The following HSD17B2 variants were observed in gnomAD, a reference collection of about 807,000 sequenced individuals.
HSD17B2 encodes 17-beta-hydroxysteroid dehydrogenase type 2.
HSD17B2 carries 32 observed loss-of-function variants against 26.9 expected under a neutral mutation model. That is an observed-to-expected ratio of 1.19 (90% CI 0.90 to 1.60). HSD17B2 has a LOEUF of 1.60. Among genes scored for constraint, HSD17B2 ranks in the 40% most tolerant of loss-of-function variants. The pLI, the probability that HSD17B2 is intolerant of heterozygous loss-of-function variation, is 0.00. For missense variants in HSD17B2, 613 were observed against 468.6 expected (o/e 1.31, Z -2.85); for synonymous variants, 246 against 186.7 (o/e 1.32, Z -2.59).
chr16:82,073,271 C>T (rs1387354420), intron 3 of HSD17B2, among the ~76,000 whole-genome samples: 1 of 151,808 alleles, frequency 6.6e-6, no homozygotes, highest in African/African-American at 2.4e-5. Flanking sequence ...GTCGCCCAGG[C>T]TGGAGTGCAG....
At chr16:82,059,468 T>C (rs1318519818) in intron 1 of HSD17B2, among the ~76,000 whole-genome samples, 2 of 152,192 alleles carry the variant, frequency 1.3e-5, no homozygotes, top group African/African-American at 4.8e-5. Flanking sequence ...CTGTTGCCAG[T>C]GGATACCGAC....
At chr16:82,075,156 G>A (rs1904294776) in intron 3 of HSD17B2, among the ~76,000 whole-genome samples, 1 of 151,954 alleles carries the variant, frequency 6.6e-6, no homozygotes, top group Non-Finnish European at 1.5e-5. Flanking sequence ...AAATGATAAA[G>A]GAAATCAAAC....
At chr16:82,088,529 T>C (rs563413491) in intron 3 of HSD17B2, among the ~76,000 whole-genome samples, 1 of 152,322 alleles carries the variant, frequency 6.6e-6, no homozygotes, top group South Asian at 2.1e-4. Flanking sequence ...CTAACCTGTT[T>C]GTCTTCTATC....
chr16:82,056,521 G>C (rs1429619674), intron 1 of HSD17B2: 1 of 152,120 alleles, frequency 6.6e-6, no homozygotes, highest in Admixed American at 6.5e-5. Flanking sequence ...CAGGTAAAAC[G>C]GATCTATGCT....
intron 1 of HSD17B2, among the ~76,000 whole-genome samples, chr16:82,040,096 GA>G (rs1759052112): frequency 6.6e-6 from 1 of 152,216 alleles, no homozygotes; most frequent in African/African-American, 2.4e-5. Context: ...ATTTTTAATT[GA>G]AAATTTCAAA....
chr16:82,061,057 A>T (rs1259493599), intron 1 of HSD17B2, among the ~76,000 whole-genome samples: 1 of 152,116 alleles, frequency 6.6e-6, no homozygotes, highest in Non-Finnish European at 1.5e-5. Context: ...TCAGGAGTTC[A>T]AGACCAGCCT....
At chr16:82,069,146 T>C (rs1305866589) in intron 2 of HSD17B2, among the ~76,000 whole-genome samples, 1 of 152,184 alleles carries the variant, frequency 6.6e-6, no homozygotes, top group African/African-American at 2.4e-5. Flanking sequence ...CCCCCACTTA[T>C]AAGTGAGAAC....
chr16:82,094,644 C>T (rs1904787866), intron 4 of HSD17B2: 1 of 152,180 alleles, frequency 6.6e-6, no homozygotes, highest in Non-Finnish European at 1.5e-5. Context: ...TGGAGAATGA[C>T]ACTTCATACT....
intron 3 of HSD17B2, among the ~76,000 whole-genome samples, chr16:82,081,262 G>A (rs951301622): frequency 3.3e-5 from 5 of 149,788 alleles, no homozygotes; most frequent in African/African-American, 7.4e-5. Flanking sequence ...ACTCTCAGAA[G>A]CAAACTGAAG....
In HSD17B2 at chr16:82,091,056, A is replaced by G. The variant is rs1260022289; in HGVS notation, c.802+17A>G. ...TCCTAACAAGTAGGTTTCTGAGCCCAAGAACCTGTGATGTTCATCCTGGAA... is the reference window on the plus strand; with the variant it reads ...TCCTAACAAGTAGGTTTCTGAGCCCGAGAACCTGTGATGTTCATCCTGGAA... On this transcript the variant is annotated intron_variant, in intron 4 of 4. Transcript: ENST00000199936. 11 of 1,613,456 alleles carry G rather than the reference A, an allele frequency of 6.8e-6. No individual in the cohort carries two copies. The highest frequency in any genetic ancestry group is 7.6e-6 in the Non-Finnish European group (9 of 1,179,562).
At position 82,035,323 on chromosome 16, in the gene HSD17B2, C is replaced by T. The variant is rs1913592900; in HGVS notation, c.-102C>T. The T allele has an allele frequency of 1.8e-6, 2 of 1,135,384 alleles. No homozygotes were observed. Among genetic ancestry groups the T allele is most frequent in the Admixed American group, 2.1e-5 (1 of 46,974 alleles). 70.3% of individuals were successfully genotyped at this position (1,135,384 alleles called of 1,614,324 possible). ...GGGCTGGGGCTGCTTTCTCCCCTCC[C>T]TTCTTGACTCTCTGTTCACAGAACT... On this transcript the variant is annotated 5_prime_UTR_variant, in exon 1 of 5. Transcript: ENST00000199936.
intron 1 of HSD17B2, among the ~76,000 whole-genome samples, chr16:82,062,885 T>C (rs577924813): frequency 1.6e-4 from 24 of 152,354 alleles, no homozygotes; most frequent in African/African-American, 5.8e-4. Context: ...ACAGACTTTT[T>C]CAAGGCCCTC....
chr16:82,043,328 A>T (rs1287431327), intron 1 of HSD17B2, among the ~76,000 whole-genome samples: 1 of 152,104 alleles, frequency 6.6e-6, no homozygotes, highest in Non-Finnish European at 1.5e-5. Context: ...GTCACTTGTG[A>T]TATTGGGGGG....
rs553832647 is a variant in HSD17B2 at position 82,072,371 on chromosome 16, A to G, written c.664+1244A>G. 1.8e-4 allele frequency among the ~76,000 whole-genome samples: 28 copies of G among 152,242 alleles called. No individual in the cohort carries two copies. The East Asian group carries it at 5.2e-3, about 28-fold the overall frequency. On this transcript the variant is annotated intron_variant, in intron 3 of 4. Transcript: ENST00000199936. ...GAATCCTGAGAAAACACACAGCAATATTTTCCTAATCTTTGTTCTGAACTT... is the reference window on the plus strand; with the variant it reads ...GAATCCTGAGAAAACACACAGCAATGTTTTCCTAATCTTTGTTCTGAACTT...
chr16:82,040,663 C>T (rs530618155), intron 1 of HSD17B2, among the ~76,000 whole-genome samples: 9 of 152,224 alleles, frequency 5.9e-5, no homozygotes, highest in African/African-American at 2.2e-4. Context: ...CAGAGCTTGG[C>T]AATTGATTGG....
chr16:82,077,325 A>C (rs1279758884), intron 3 of HSD17B2, among the ~76,000 whole-genome samples: 1 of 152,206 alleles, frequency 6.6e-6, no homozygotes, highest in Non-Finnish European at 1.5e-5. Context: ...AGACATATAG[A>C]CCAACAGAAC....
Position 82,070,952 on chromosome 16 carries a change from T to A in HSD17B2, c.489T>A (p.Ala163=). 1.2e-6 allele frequency: 2 copies of A among 1,613,482 alleles called. No homozygotes were observed. Among genetic ancestry groups the A allele is most frequent in the Non-Finnish European group, 1.7e-6 (2 of 1,179,464 alleles). ...AAMLQDRGLW[A]VINNAGVLGF... ...GTTTTCTGTCTCCAGGACTGTGGGCTGTGATCAACAATGCTGGGGTGCTTG... is the reference window on the plus strand; with the variant it reads ...GTTTTCTGTCTCCAGGACTGTGGGCAGTGATCAACAATGCTGGGGTGCTTG... The change falls in exon 3 of 5, where the codon GCT becomes GCA. Residue 163 remains alanine (A), a synonymous_variant. Transcript: ENST00000199936.
intron 4 of HSD17B2, 93 bp downstream of exon 4, chr16:82,091,132 T>C (rs781034764): frequency 8.0e-7 from 1 of 1,251,588 alleles, no homozygotes; most frequent in East Asian, 2.3e-5. Flanking sequence ...GAACCCCTCA[T>C]TGTTGTCAAA....
At chr16:82,039,438 A>C (rs1913711359) in intron 1 of HSD17B2, among the ~76,000 whole-genome samples, 1 of 152,278 alleles carries the variant, frequency 6.6e-6, no homozygotes, top group Admixed American at 6.5e-5. Context: ...GAACAAAAAG[A>C]ACAAAAGAAA....
Sources: gnomAD v4.1 joint callset for allele counts (sites outside exome capture counted in the v4.1 genomes callset) on GRCh38, gnomAD v4.1.1 for gene constraint, MANE v1.5 for transcripts, NCBI Gene and HGNC (gene_info 2026-07-23, HGNC 2026-07-21) for gene names.